The following TRAPPC9 variants were observed in gnomAD, a reference collection of about 807,000 sequenced individuals.
The protein encoded by TRAPPC9 is IKK2 binding protein.
Under a neutral mutation model 124.0 loss-of-function variants are expected in TRAPPC9, and 83 were observed. The observed-to-expected ratio is 0.67, with a 90% CI of 0.56 to 0.80. The LOEUF (loss-of-function observed/expected upper bound fraction) is 0.80. Ranked by LOEUF, TRAPPC9 falls within the 30% of genes least tolerant of loss-of-function variation. The pLI is 0.00. For synonymous variants in TRAPPC9, 638 were observed against 617.5 expected (o/e 1.03, Z -0.49); for missense variants, 1,302 against 1,508.3 (o/e 0.86, Z 2.27).
At position 140,448,006 on chromosome 8, in the gene TRAPPC9, G is replaced by A. The variant is rs148391724; in HGVS notation, c.584+2784C>T. Among the ~76,000 whole-genome samples, 1,360 of 152,098 alleles carry A rather than the reference G, an allele frequency of 8.9e-3. 28 individuals carry two copies. Among genetic ancestry groups the A allele is most frequent in the African/African-American group, 0.031 (1,305 of 41,484 alleles). The stretch of plus-strand genomic sequence containing the variant: ...CTAAAAATACAAAAATTAGCTGAGT[G>A]TGGTGGCGCACGCCTGTAATCCCAG... On this transcript the variant is annotated intron_variant, in intron 2 of 22. Transcript: ENST00000438773.
intron 20 of TRAPPC9, among the ~76,000 whole-genome samples, chr8:139,889,898 C>G (rs2035135): frequency 0.29 from 44,069 of 152,122 alleles, 6,706 homozygotes; most frequent in East Asian, 0.4. Context: ...TGTGTTCATT[C>G]ATTTTGCGTC....
rs34569283 is a variant in TRAPPC9, at chr8:140,408,802, G to GA, written c.887-3105dup. On this transcript the variant is annotated intron_variant, in intron 5 of 22. Transcript: ENST00000438773. ...TCTGGGACACCTGAGTGGCCATTTGGAAAAAAAAAAAAAAAAAATCAAACC... is the reference window on the plus strand; with the variant it reads ...TCTGGGACACCTGAGTGGCCATTTGGAAAAAAAAAAAAAAAAAAATCAAACC... Among the ~76,000 whole-genome samples, 341 of 125,418 alleles carry GA rather than the reference G, an allele frequency of 2.7e-3. 1 individual carries two copies. The highest frequency in any genetic ancestry group is 0.017 in the East Asian group (78 of 4,498). The allele number at this position is 125,418 out of a possible 152,430, so 82.3% of individuals were successfully genotyped here. A position where few individuals can be genotyped will look rare whatever the true frequency, so the allele number is the denominator to read the frequency against.
intron 17 of TRAPPC9, among the ~76,000 whole-genome samples, chr8:140,045,704 T>C (rs896813393): frequency 6.9e-6 from 1 of 144,854 alleles, no homozygotes; most frequent in African/African-American, 2.6e-5. Context: ...CTATACATCC[T>C]AAGGAAGATG....
In TRAPPC9 at chr8:140,220,306, C is replaced by T. The variant is rs80170352; in HGVS notation, c.2556+1153G>A. On this transcript the variant is annotated intron_variant, in intron 17 of 22. Coordinates refer to ENST00000438773, the MANE Select transcript of TRAPPC9 (RefSeq NM_001160372.4). ...TCAAGCCCACCAGACAGCACCCTCC[C>T]GTACTTGGTAGCTCCGTGCATGTGC... Among the ~76,000 whole-genome samples, 806 of 152,280 alleles carry T rather than the reference C, an allele frequency of 5.3e-3. 7 individuals carry two copies. The highest frequency in any genetic ancestry group is 0.018 in the African/African-American group (745 of 41,552).
At chr8:140,067,138 C>T (rs1197262481) in intron 17 of TRAPPC9, among the ~76,000 whole-genome samples, 2 of 152,124 alleles carry the variant, frequency 1.3e-5, no homozygotes, top group African/African-American at 4.8e-5. Context: ...ATTCAATCTT[C>T]TAAGGTTTGT....
In TRAPPC9 at chr8:140,272,707, G is replaced by A. The variant is rs142261911; in HGVS notation, c.2278+2951C>T. On this transcript the variant is annotated intron_variant, in intron 15 of 22. Coordinates refer to ENST00000438773, the MANE Select transcript of TRAPPC9 (RefSeq NM_001160372.4). ...CATTCATGGCAGAAGAGGGCAAAGC[G>A]GGAGCAGGCAGTCACACAGTGAGGG... Among the ~76,000 whole-genome samples, 484 of 152,148 alleles carry A rather than the reference G, an allele frequency of 3.2e-3. 3 individuals are homozygous for A. The highest frequency in any genetic ancestry group is 0.011 in the African/African-American group (448 of 41,494).
At chr8:140,350,249 T>TCCTGTATTCAGCG (rs11268752) in intron 9 of TRAPPC9, among the ~76,000 whole-genome samples, 19,759 of 152,136 alleles carry the variant, frequency 0.13, 1,522 homozygotes, top group African/African-American at 0.2. Context: ...ATTTTTGGTC[T>TCCTGTATTCAGCG]CCTGTATTCA....
intron 19 of TRAPPC9, among the ~76,000 whole-genome samples, chr8:139,979,089 C>T (rs1385748594): frequency 6.6e-6 from 1 of 151,752 alleles, no homozygotes; most frequent in Non-Finnish European, 1.5e-5. Flanking sequence ...AGGTGCGGAG[C>T]CGTGAGGGTC....
chr8:139,851,732 G>A (rs1482612044), intron 21 of TRAPPC9, among the ~76,000 whole-genome samples: 2 of 152,196 alleles, frequency 1.3e-5, no homozygotes, highest in Non-Finnish European at 2.9e-5. Context: ...GATGATCTTT[G>A]GAACATATGC....
chr8:139,918,384 T>C (rs1489798550), intron 19 of TRAPPC9, among the ~76,000 whole-genome samples: 1 of 152,216 alleles, frequency 6.6e-6, no homozygotes, highest in Non-Finnish European at 1.5e-5. Context: ...GACCCTGCAC[T>C]GGGAAAGCCC....
chr8:140,401,800 A>T (rs1213166937), intron 6 of TRAPPC9, among the ~76,000 whole-genome samples: 11 of 151,598 alleles, frequency 7.3e-5, no homozygotes, highest in African/African-American at 2.7e-4. Flanking sequence ...ATTTTTTTGT[A>T]TATTTTGTAG....
chr8:140,385,014 C>T (rs1400833150), intron 7 of TRAPPC9, among the ~76,000 whole-genome samples: 1 of 152,220 alleles, frequency 6.6e-6, no homozygotes, highest in Non-Finnish European at 1.5e-5. Context: ...GATTAAGAAA[C>T]TCACTCAAAA....
At position 140,063,758 on chromosome 8, in the gene TRAPPC9, T is replaced by C. The variant is rs1842762801; in HGVS notation, c.2557-39679A>G. Among the ~76,000 whole-genome samples, 1 of 152,184 alleles carries C rather than the reference T, an allele frequency of 6.6e-6. No homozygotes were observed. On this transcript the variant is annotated intron_variant, in intron 17 of 22. Coordinates refer to ENST00000438773, the MANE Select transcript of TRAPPC9 (RefSeq NM_001160372.4). This position sits in a 1 kb window ranked among gnomAD's most constrained non-coding sequence, Gnocchi z 4.3. Reference sequence around the variant, plus strand: ...TCTGTGTTTCCTTAAGAGCGGGACTTGCGGGCGGGGTATGCATCAAATTTC... The same window carrying C: ...TCTGTGTTTCCTTAAGAGCGGGACTCGCGGGCGGGGTATGCATCAAATTTC...
At chr8:140,082,932 C>T (rs747248314) in intron 17 of TRAPPC9, among the ~76,000 whole-genome samples, 10 of 152,212 alleles carry the variant, frequency 6.6e-5, no homozygotes, top group South Asian at 6.2e-4. Context: ...CGGTGGCTCA[C>T]GCCTGTAATC....
intron 21 of TRAPPC9, among the ~76,000 whole-genome samples, chr8:139,734,485 C>T (rs1182214757): frequency 1.3e-5 from 2 of 152,172 alleles, no homozygotes; most frequent in Non-Finnish European, 2.9e-5. Context: ...GTTCCTGGAA[C>T]AGTGAGGCAG....
At chr8:140,190,467 GCAACAA>G (rs61020459) in intron 17 of TRAPPC9, among the ~76,000 whole-genome samples, 1 of 151,704 alleles carries the variant, frequency 6.6e-6, no homozygotes, top group Non-Finnish European at 1.5e-5. Flanking sequence ...CAAAAGAGCA[GCAACAA>G]CAACAACAAA....
At chr8:140,103,392 G>A (rs753479955) in intron 17 of TRAPPC9, among the ~76,000 whole-genome samples, 4 of 152,188 alleles carry the variant, frequency 2.6e-5, no homozygotes, top group Non-Finnish European at 5.9e-5. Flanking sequence ...CCTCTCATCA[G>A]GGGCAATTCT....
chr8:140,173,277 G>A (rs980269680), intron 17 of TRAPPC9, among the ~76,000 whole-genome samples: 5 of 152,168 alleles, frequency 3.3e-5, no homozygotes, highest in Admixed American at 6.5e-5. Flanking sequence ...TTCTGTGGCC[G>A]GGCACAGTGG....
chr8:139,751,077 G>A (rs191223899), intron 21 of TRAPPC9, among the ~76,000 whole-genome samples: 12 of 152,330 alleles, frequency 7.9e-5, no homozygotes, highest in Admixed American at 1.3e-4. Flanking sequence ...TCATCCTAGG[G>A]AATGGCTGGC....
Sources: gnomAD v4.1 joint callset for allele counts (sites outside exome capture counted in the v4.1 genomes callset) on GRCh38, gnomAD v4.1.1 for gene constraint, Gnocchi (gnomAD v3.1) non-coding constraint, MANE v1.5 for transcripts, NCBI Gene and HGNC (gene_info 2026-07-23, HGNC 2026-07-21) for gene names.